Variants in KMT2D observed in about 807,000 individuals in gnomAD.
KMT2D encodes the protein histone-lysine N-methyltransferase 2D.
A neutral mutation model predicts 512.7 loss-of-function variants in KMT2D; 55 were observed. The ratio of observed to expected loss-of-function variants is 0.11; its 90% CI spans 0.09 to 0.13. The LOEUF (loss-of-function observed/expected upper bound fraction) is 0.13, where lower values mean the gene tolerates loss of function less well. Among genes scored for constraint, KMT2D ranks in the 10% least tolerant of loss-of-function variants. KMT2D has a pLI of 1.00. For missense variants in KMT2D, 6,061 were observed against 7,127.9 expected (o/e 0.85, Z 5.39); for synonymous variants, 2,995 against 2,904.0 (o/e 1.03, Z -1.01).
chr12:49,053,125 C>T lies in KMT2D; in HGVS notation c.955-53G>A, dbSNP rs567986751. On this transcript the variant is annotated intron_variant, in intron 8 of 54. Coordinates refer to ENST00000301067, the MANE Select transcript of KMT2D (RefSeq NM_003482.4). ...CATTGGTCAGACAGCAAAGACTAAA[C>T]GAAAGTACACAACTTGTCAAGACAG... 188 of 1,612,838 alleles carry T rather than the reference C, an allele frequency of 1.2e-4. 1 individual carries two copies. In the South Asian group the frequency reaches 1.3e-3, roughly 11 times the overall value.
Position 49,041,245 on chromosome 12 carries a change from G to T in KMT2D, c.6525C>A (p.Asp2175Glu), listed in dbSNP as rs760961544. The change falls in exon 32 of 55, where the codon GAC (aspartate) becomes GAA (glutamate). Residue 2175 changes from aspartate (D) to glutamate (E), a missense_variant. Asp to Glu is a conservative substitution (Grantham distance 45). Around this residue, in one of 16 missense-constraint regions of KMT2D, gnomAD observed 710 missense variants for 647.3 expected, o/e 1.10. Coordinates refer to ENST00000301067, the MANE Select transcript of KMT2D (RefSeq NM_003482.4). The surrounding 1 kb of genome is among the most constrained non-coding windows in gnomAD (Gnocchi z 5.4). ...GATAGGCAGGGGCCAGTCCAAAGGG[G>T]TCCTGCGAAGGCACTTGGGCGGGCA... ...PQVPAQVPSQDPFGLAPAYPL... is the reference protein window; with the variant it reads ...PQVPAQVPSQEPFGLAPAYPL... The T allele has an allele frequency of 6.6e-7, 1 of 1,516,354 alleles. No homozygotes were observed. Among genetic ancestry groups the T allele is most frequent in the Non-Finnish European group, 8.8e-7 (1 of 1,136,590 alleles). The allele number at this position is 1,516,354 out of a possible 1,614,324, so 93.9% of individuals were successfully genotyped here.
rs755279282 is a variant in KMT2D at position 49,044,841 on chromosome 12, G to T, written c.4866C>A (p.Gly1622=). 6.2e-7 allele frequency: 1 copy of T among 1,613,982 alleles called. No homozygotes were observed. Among genetic ancestry groups the T allele is most frequent in the East Asian group, 2.2e-5 (1 of 44,884 alleles). Residue 1622 remains glycine (G), a synonymous_variant, in exon 20 of 55, where the codon GGC becomes GGA. Transcript: ENST00000301067. This position sits in a 1 kb window ranked among gnomAD's most constrained non-coding sequence, Gnocchi z 6.4. ...GCTCAGAACCCTCCAATCCTGCCTCGCCTGGGAGGCCAAGCCGTCCTCGCC... is the reference window on the plus strand; with the variant it reads ...GCTCAGAACCCTCCAATCCTGCCTCTCCTGGGAGGCCAAGCCGTCCTCGCC... ...RQRRGRLGLP[G]EAGLEGSEPS...
rs751484723 is a variant in KMT2D, at chr12:49,041,507, G to A, written c.6263C>T (p.Thr2088Ile). The change falls in exon 32 of 55, where the codon ACC (threonine) becomes ATC (isoleucine). Residue 2088 changes from threonine (T) to isoleucine (I), a missense_variant. Transcript: ENST00000301067. The surrounding 1 kb of genome is among the most constrained non-coding windows in gnomAD (Gnocchi z 5.4). ...CTTACGGGCTATGTCGCCCACCTTG[G>A]TCTGCTTGTTGATCTGGCTCTCAGC... ...KQAESQINKQ[T>I]KVGDIARKTD... 31 of 1,613,484 alleles carry A rather than the reference G, an allele frequency of 1.9e-5. No individual in the cohort carries two copies. In the South Asian group the frequency reaches 3.2e-4, roughly 17 times the overall value.
chr12:49,022,016 T>A lies in KMT2D; in HGVS notation c.16521+27A>T. ...GGTGAAAGGAGGAGGAGCTGCTTTGTCACTCAGTCAGGATACTTCCTCTCA... is the reference window on the plus strand; with the variant it reads ...GGTGAAAGGAGGAGGAGCTGCTTTGACACTCAGTCAGGATACTTCCTCTCA... On this transcript the variant is annotated intron_variant, in intron 54 of 54. Transcript: ENST00000301067. This position sits in a 1 kb window ranked among gnomAD's most constrained non-coding sequence, Gnocchi z 8.6. The A allele has an allele frequency of 6.3e-7, 1 of 1,597,320 alleles. No individual in the cohort carries two copies. The highest frequency in any genetic ancestry group is 1.1e-5 in the South Asian group (1 of 90,712).
Position 49,041,766 on chromosome 12 carries a change from C to G in KMT2D, c.6184-61G>C. The G allele has an allele frequency of 6.4e-7, 1 of 1,561,424 alleles. No individual in the cohort carries two copies. Among genetic ancestry groups the G allele is most frequent in the Non-Finnish European group, 8.7e-7 (1 of 1,148,356 alleles). ...CTTGGTCTCATGCCCCGCCCCCATA[C>G]TGTAGTGTTTTCACACTCCCTACCC... On this transcript the variant is annotated intron_variant, in intron 30 of 54. Transcript: ENST00000301067. The surrounding 1 kb of genome is among the most constrained non-coding windows in gnomAD (Gnocchi z 5.4).
rs753332613 is a variant in KMT2D, at chr12:49,026,819, C to G, written c.15147G>C (p.Leu5049=). 6.2e-7 allele frequency: 1 copy of G among 1,613,148 alleles called. No individual in the cohort carries two copies. Among genetic ancestry groups the G allele is most frequent in the Non-Finnish European group, 8.5e-7 (1 of 1,179,160 alleles). ...CCCACAGGTCCAGGTCCAGGTTCAG[C>G]AGACGGGCAGGCCCATCAGTGGCCC... is the stretch of plus-strand genomic sequence containing the variant. ...GDGATDGPAR[L]LNLDLDLWVH... Residue 5049 remains leucine, a synonymous_variant, in exon 49 of 55, where the codon CTG becomes CTC. Coordinates refer to ENST00000301067, the MANE Select transcript of KMT2D (RefSeq NM_003482.4). This position sits in a 1 kb window ranked among gnomAD's most constrained non-coding sequence, Gnocchi z 9.6.
rs1592150832 is a variant in KMT2D at position 49,049,606 on chromosome 12, A to G, written c.3906+76T>C. On this transcript the variant is annotated intron_variant, in intron 12 of 54. Transcript: ENST00000301067. ...TAGGATTCACAAAGCAAGGTGGGAA[A>G]GTATCAGTGACACAGGACTGTACCT... is the stretch of plus-strand genomic sequence containing the variant. The G allele has an allele frequency of 9.8e-6, 14 of 1,434,806 alleles. No homozygotes were observed. In the East Asian group the frequency reaches 3.3e-4, roughly 34 times the overall value. The allele number at this position is 1,434,806 out of a possible 1,614,324, so 88.9% of individuals were successfully genotyped here. A position where few individuals can be genotyped will look rare whatever the true frequency, so the allele number is the denominator to read the frequency against.
At position 49,046,493 on chromosome 12, in the gene KMT2D, G is replaced by C. The variant is rs1943792147; in HGVS notation, c.4419-69C>G. The C allele has an allele frequency of 6.3e-7, 1 of 1,590,032 alleles. No homozygotes were observed. Among genetic ancestry groups the C allele is most frequent in the Non-Finnish European group, 8.6e-7 (1 of 1,165,420 alleles). ...GAAGTACCCAGAAGTCCCCTCACCGGAAACCCAAGCCACCAGCCTGGCCTC... is the reference window on the plus strand; with the variant it reads ...GAAGTACCCAGAAGTCCCCTCACCGCAAACCCAAGCCACCAGCCTGGCCTC... On this transcript the variant is annotated intron_variant, in intron 16 of 54. Coordinates refer to ENST00000301067, the MANE Select transcript of KMT2D (RefSeq NM_003482.4). This position sits in a 1 kb window ranked among gnomAD's most constrained non-coding sequence, Gnocchi z 4.2.
At chr12:49,027,680 C>A (rs1167393465) in intron 48 of KMT2D, 123 bp downstream of exon 48, 1 of 1,268,114 alleles carries the variant, frequency 7.9e-7, no homozygotes, top group Non-Finnish European at 1.1e-6. Flanking sequence ...GTCTCAAACT[C>A]CTGGCCTAAA....
chr12:49,053,129 A>G, intron 8 of KMT2D, 57 bp from the exon 9 acceptor site: 1 of 1,612,666 alleles, frequency 6.2e-7, no homozygotes, highest in Non-Finnish European at 8.5e-7. Context: ...ACTAAACGAA[A>G]GTACACAACT....
chr12:49,052,065 G>A lies in KMT2D; in HGVS notation c.1618C>T (p.Pro540Ser), dbSNP rs2120680749. 1.9e-6 allele frequency: 3 copies of A among 1,613,526 alleles called. No individual in the cohort carries two copies. Among genetic ancestry groups the A allele is most frequent in the Non-Finnish European group, 2.5e-6 (3 of 1,179,718 alleles). The change falls in exon 11 of 55, where the codon CCT becomes TCT. Residue 540 changes from proline to serine, a missense_variant. This residue lies in a region of KMT2D where 848 missense variants were observed against 838.5 expected (regional missense o/e 1.01). Coordinates refer to ENST00000301067, the MANE Select transcript of KMT2D (RefSeq NM_003482.4). ...GGTGGGGACAGGGGCGATGCTTCAG[G>A]TGGTGGGGATAGAGGCGTCTCAAGT... The part of the protein sequence containing the change: ...PALETPLSPP[P>S]EASPLSPPFE...
chr12:49,055,637 T>C (rs1394090948), intron 1 of KMT2D, among the ~76,000 whole-genome samples: 1 of 152,204 alleles, frequency 6.6e-6, no homozygotes, highest in Non-Finnish European at 1.5e-5. Flanking sequence ...CCTGGGGCCA[T>C]AGCATCCAAC....
In KMT2D at chr12:49,042,485, G is replaced by A; in HGVS notation, c.5867+76C>T. 4 of 1,550,866 alleles carry A rather than the reference G, an allele frequency of 2.6e-6. No homozygotes were observed. Among genetic ancestry groups the A allele is most frequent in the Non-Finnish European group, 3.5e-6 (4 of 1,137,352 alleles). On this transcript the variant is annotated intron_variant, in intron 28 of 54. Transcript: ENST00000301067. The surrounding 1 kb of genome is among the most constrained non-coding windows in gnomAD (Gnocchi z 4.4). The stretch of plus-strand genomic sequence containing the variant: ...CAGGGGAAGTGCTGCAGGAGTCCGA[G>A]GGAGGCAAAGCATGAACTCAGATGG...
At position 49,044,213 on chromosome 12, in the gene KMT2D, C is replaced by A. The variant is rs2120579752; in HGVS notation, c.5175G>T (p.Gly1725=). 5 of 1,611,734 alleles carry A rather than the reference C, an allele frequency of 3.1e-6. No homozygotes were observed. Among genetic ancestry groups the A allele is most frequent in the Non-Finnish European group, 4.2e-6 (5 of 1,179,696 alleles). Residue 1725 remains glycine (G), a synonymous_variant, in exon 22 of 55, where the codon GGG becomes GGT. Transcript: ENST00000301067. The surrounding 1 kb of genome is among the most constrained non-coding windows in gnomAD (Gnocchi z 6.4). ...CACCCGTCTCACCCTCGTCGGGCTG[C>A]CCATCCCCACTCAACACCTCCGCCT... ...AAQAEVLSGD[G]QPDEVIPADL...
chr12:49,019,626 T>A lies in KMT2D; in HGVS notation c.*2154A>T, dbSNP rs1181665045. The A allele has an allele frequency of 4.4e-6, 1 of 229,834 alleles. No homozygotes were observed. Among genetic ancestry groups the A allele is most frequent in the East Asian group, 6.2e-5 (1 of 16,192 alleles). The allele number at this position is 229,834 out of a possible 1,614,324, so 14.2% of individuals were successfully genotyped here. ...TGACTCACGGGAGCCAATCTCCCCC[T>A]CCCTGTAGCCTAGACCTTCTGCTCT... On this transcript the variant is annotated 3_prime_UTR_variant, in exon 55 of 55. Transcript: ENST00000301067.
Position 49,034,102 on chromosome 12 carries a change from C to A in KMT2D, c.10705G>T (p.Glu3569Ter). The A allele has an allele frequency of 6.2e-7, 1 of 1,612,940 alleles. No individual in the cohort carries two copies. The highest frequency in any genetic ancestry group is 1.1e-5 in the South Asian group (1 of 91,074). ...ADAEKLKLVT[E>*]QQSKIQKQLD... Reference sequence around the variant, plus strand: ...TGTTTCTGGATCTTGCTCTGCTGCTCTGTAACCAGCTTGAGCTTCTCAGCA... The same window carrying A: ...TGTTTCTGGATCTTGCTCTGCTGCTATGTAACCAGCTTGAGCTTCTCAGCA... The change falls in exon 39 of 55, where the codon GAG becomes TAG. Residue 3569 changes from glutamate (E) to a stop codon, truncating the protein, a stop_gained. Transcript: ENST00000301067. LOFTEE classifies it high-confidence loss of function.
chr12:49,043,589 G>T (rs751996826), intron 24 of KMT2D, 46 bp downstream of exon 24: 15 of 1,609,896 alleles, frequency 9.3e-6, no homozygotes, highest in East Asian at 2.2e-5. Context: ...TCCTAAGCCA[G>T]AAGAAAGTTG....
chr12:49,029,683 T>TG (rs956560048), intron 43 of KMT2D, among the ~76,000 whole-genome samples: 55 of 151,708 alleles, frequency 3.6e-4, no homozygotes, highest in African/African-American at 1.1e-3. Flanking sequence ...TTTTGTTTTT[T>TG]TTTTTTTTTT....
chr12:49,021,939 T>C, intron 54 of KMT2D, 67 bp from the exon 55 acceptor site: 3 of 1,554,592 alleles, frequency 1.9e-6, no homozygotes, highest in South Asian at 1.1e-5. Flanking sequence ...AGAGAAGATA[T>C]GATCTGAGGT....
Sources: gnomAD v4.1 joint callset for allele counts (sites outside exome capture counted in the v4.1 genomes callset) on GRCh38, gnomAD v4.1.1 for gene constraint, gnomAD v4.1.1 regional missense constraint, Gnocchi (gnomAD v3.1) non-coding constraint, MANE v1.5 for transcripts, NCBI Gene and HGNC (gene_info 2026-07-23, HGNC 2026-07-21) for gene names.